Variants in GRID2 observed in about 807,000 individuals in gnomAD.
GRID2 encodes the protein glutamate ionotropic receptor delta type subunit 2.
Under a neutral mutation model 114.8 loss-of-function variants are expected in GRID2, and 33 were observed. The observed-to-expected ratio is 0.29, with a 90% CI of 0.22 to 0.38. The LOEUF is 0.38. Ranked by LOEUF, GRID2 falls within the 10% of genes least tolerant of loss-of-function variation. The pLI is 1.00. For synonymous variants in GRID2, 505 were observed against 449.9 expected (o/e 1.12, Z -1.55); for missense variants, 1,184 against 1,257.7 (o/e 0.94, Z 0.89).
chr4:92,573,957 C>T (rs576005681), intron 1 of GRID2, among the ~76,000 whole-genome samples: 1 of 152,142 alleles, frequency 6.6e-6, no homozygotes, highest in East Asian at 1.9e-4. Context: ...CTTTAAAGGT[C>T]CCTAAGAACT....
At chr4:92,670,568 AATAC>A (rs1560522995) in intron 2 of GRID2, among the ~76,000 whole-genome samples, 1 of 152,080 alleles carries the variant, frequency 6.6e-6, no homozygotes, top group East Asian at 1.9e-4. Flanking sequence ...GTAAATTATT[AATAC>A]ATATAGAGTA....
At chr4:93,079,183 CAAT>C (rs1339461890) in intron 2 of GRID2, among the ~76,000 whole-genome samples, 1 of 151,618 alleles carries the variant, frequency 6.6e-6, no homozygotes, top group Non-Finnish European at 1.5e-5. Context: ...TTTATTACAT[CAAT>C]GATGGTAGAA....
rs948136751 is a variant in GRID2, at chr4:92,356,134, C to A, written c.88+51390C>A. On this transcript the variant is annotated intron_variant, in intron 1 of 15. Coordinates refer to ENST00000282020, the MANE Select transcript of GRID2 (RefSeq NM_001510.4). ...GTATTAAGTTGGGGAAATTTATTTG[C>A]TAACTTTCATATTTTAAAAAAATGT... 3.3e-5 allele frequency among the ~76,000 whole-genome samples: 5 copies of A among 151,434 alleles called. No individual in the cohort carries two copies. In the East Asian group the frequency reaches 9.7e-4, roughly 29 times the overall value.
intron 2 of GRID2, among the ~76,000 whole-genome samples, chr4:92,817,222 C>G (rs962078675): frequency 3.3e-5 from 5 of 152,048 alleles, no homozygotes; most frequent in African/African-American, 1.2e-4. Flanking sequence ...ACCAGCAATT[C>G]TATATATTTT....
chr4:93,469,558 A>G (rs1014491426), intron 11 of GRID2, among the ~76,000 whole-genome samples: 2 of 152,096 alleles, frequency 1.3e-5, no homozygotes, highest in Non-Finnish European at 2.9e-5. Context: ...TCACAGAAAA[A>G]AAAATGAATA....
chr4:93,407,849 C>G (rs900051282), intron 9 of GRID2, among the ~76,000 whole-genome samples: 1 of 144,690 alleles, frequency 6.9e-6, no homozygotes, highest in Admixed American at 6.9e-5. Context: ...TCCTCCTCCA[C>G]CTCCTGCTTC....
chr4:93,215,542 C>T (rs1744107237), intron 5 of GRID2, among the ~76,000 whole-genome samples: 1 of 151,898 alleles, frequency 6.6e-6, no homozygotes. Context: ...AAAAAGACGG[C>T]ATTTTAAACT....
chr4:92,622,820 A>G (rs1455259830), intron 2 of GRID2, among the ~76,000 whole-genome samples: 1 of 151,752 alleles, frequency 6.6e-6, no homozygotes, highest in Non-Finnish European at 1.5e-5. Context: ...ATGGGGATAA[A>G]AATACCTAAA....
At chr4:92,707,447 C>T (rs986873184) in intron 2 of GRID2, among the ~76,000 whole-genome samples, 4 of 152,072 alleles carry the variant, frequency 2.6e-5, no homozygotes, top group Non-Finnish European at 4.4e-5. Flanking sequence ...TATTAAATGC[C>T]TCATTATGCA....
chr4:93,369,826 A>G (rs1762699864), intron 8 of GRID2, among the ~76,000 whole-genome samples: 1 of 152,184 alleles, frequency 6.6e-6, no homozygotes, highest in Admixed American at 6.5e-5. Flanking sequence ...ATATATACAC[A>G]GGGCCATCTC....
intron 14 of GRID2, among the ~76,000 whole-genome samples, chr4:93,762,498 G>A (rs1334148956): frequency 2.0e-5 from 3 of 152,156 alleles, no homozygotes; most frequent in South Asian, 2.1e-4. Flanking sequence ...ACTATGACAG[G>A]ACAAGAAGCT....
intron 2 of GRID2, among the ~76,000 whole-genome samples, chr4:92,724,275 CA>C (rs1230858648): frequency 6.6e-6 from 1 of 152,040 alleles, no homozygotes; most frequent in Non-Finnish European, 1.5e-5. Context: ...TTCCATGCCA[CA>C]AATCTCTTTC....
At chr4:92,566,999 A>G (rs935531034) in intron 1 of GRID2, among the ~76,000 whole-genome samples, 1 of 152,056 alleles carries the variant, frequency 6.6e-6, no homozygotes, top group African/African-American at 2.4e-5. Context: ...TACTTGTCAG[A>G]GGTTTTATTC....
intron 8 of GRID2, among the ~76,000 whole-genome samples, chr4:93,251,964 T>C (rs532919819): frequency 1.1e-3 from 162 of 152,292 alleles, no homozygotes; most frequent in African/African-American, 3.5e-3. Flanking sequence ...GTCTTTAAAA[T>C]AGAGCAATTT....
chr4:92,665,826 T>G (rs768392612), intron 2 of GRID2, among the ~76,000 whole-genome samples: 1 of 151,338 alleles, frequency 6.6e-6, no homozygotes, highest in African/African-American at 2.4e-5. Context: ...AAATTACTTT[T>G]CTATTTATGA....
chr4:92,419,085 A>G (rs1481864011), intron 1 of GRID2, among the ~76,000 whole-genome samples: 3 of 152,092 alleles, frequency 2.0e-5, no homozygotes, highest in Admixed American at 2.0e-4. Context: ...TAGATTTTGA[A>G]TTATCCTTCT....
intron 1 of GRID2, among the ~76,000 whole-genome samples, chr4:92,481,020 G>A (rs1011364327): frequency 2.0e-5 from 3 of 152,028 alleles, no homozygotes; most frequent in African/African-American, 7.3e-5. Flanking sequence ...TGCTGACAAG[G>A]GTAGTAAGTA....
chr4:93,157,862 C>T (rs1038529890), intron 4 of GRID2, among the ~76,000 whole-genome samples: 3 of 151,718 alleles, frequency 2.0e-5, no homozygotes, highest in Non-Finnish European at 3.0e-5. Flanking sequence ...ACATATTATA[C>T]GTATCTTCTT....
chr4:92,996,430 G>A (rs1372016637), intron 2 of GRID2, among the ~76,000 whole-genome samples: 1 of 152,162 alleles, frequency 6.6e-6, no homozygotes. Context: ...GTATATGCAT[G>A]TATGTTTCTT....
Sources: gnomAD v4.1 joint callset for allele counts (sites outside exome capture counted in the v4.1 genomes callset) on GRCh38, gnomAD v4.1.1 for gene constraint, MANE v1.5 for transcripts, NCBI Gene and HGNC (gene_info 2026-07-23, HGNC 2026-07-21) for gene names.